ZNF713: variants seen among roughly 807,000 people sequenced by gnomAD.
ZNF713 encodes zinc finger protein 713.
ZNF713 carries 21 observed loss-of-function variants against 28.7 expected under a neutral mutation model. That is an observed-to-expected ratio of 0.73 (90% CI 0.52 to 1.05). ZNF713 has a LOEUF of 1.05. Ranked by LOEUF, ZNF713 falls within the 50% of genes least tolerant of loss-of-function variation. ZNF713 has a pLI of 0.00. For missense variants in ZNF713, 458 were observed against 532.4 expected, an observed-to-expected ratio of 0.86 and a Z score of 1.37; for synonymous variants, 167 against 178.0, an observed-to-expected ratio of 0.94 and a Z score of 0.49.
intron 6 of ZNF713, among the ~76,000 whole-genome samples, chr7:55,938,478 C>G (rs1405295195): frequency 6.6e-6 from 1 of 152,078 alleles, no homozygotes; most frequent in African/African-American, 2.4e-5. Flanking sequence ...CACATTCTCA[C>G]ATTATTTGAA....
rs531852841 is a variant in ZNF713 at position 55,910,019 on chromosome 7, G to GTA, written c.-455-1585_-455-1584dup. ...TATACGTTTATGTGTGTGTGTGTGTGTATATATATATATGTATTTTTTTAA... is the reference window on the plus strand; with the variant it reads ...TATACGTTTATGTGTGTGTGTGTGTGTATATATATATATATGTATTTTTTTAA... On this transcript the variant is annotated intron_variant, in intron 2 of 6. Transcript: ENST00000429591. 2.9e-3 allele frequency among the ~76,000 whole-genome samples: 438 copies of GTA among 150,528 alleles called. 10 individuals are homozygous for GTA. In the East Asian group the frequency reaches 0.058, roughly 20 times the overall value.
Position 55,939,732 on chromosome 7 carries a change from G to C in ZNF713, c.1058G>C (p.Arg353Pro). Residue 353 changes from arginine to proline, a missense_variant, in exon 7 of 7, where the codon CGC becomes CCC. Physicochemically the swap from Arg to Pro is moderately radical, Grantham distance 103. Coordinates refer to ENST00000429591, the MANE Select transcript of ZNF713 (RefSeq NM_182633.3). ...AATCAATGTGGTAAAGCTTTTAGCC[G>C]CATCACATCCCTTACTGAACATCAT... ...KCNQCGKAFS[R>P]ITSLTEHHRL... The C allele has an allele frequency of 6.2e-7, 1 of 1,614,070 alleles. No homozygotes were observed. The highest frequency in any genetic ancestry group is 8.5e-7 in the Non-Finnish European group (1 of 1,180,006).
intron 2 of ZNF713, among the ~76,000 whole-genome samples, chr7:55,907,856 T>A (rs1386542946): frequency 3.9e-5 from 6 of 152,184 alleles, no homozygotes; most frequent in Non-Finnish European, 1.5e-5. Context: ...TATCGAATCA[T>A]CGGTTGATGG....
At chr7:55,901,646 G>A (rs1394616200) in intron 1 of ZNF713, among the ~76,000 whole-genome samples, 2 of 152,198 alleles carry the variant, frequency 1.3e-5, no homozygotes, top group African/African-American at 4.8e-5. Context: ...ACATACAGGT[G>A]CTGGAGGTTG....
intron 6 of ZNF713, chr7:55,924,531 C>G (rs1584313897): frequency 6.6e-6 from 1 of 152,230 alleles, no homozygotes; most frequent in Non-Finnish European, 1.5e-5. Context: ...TATCATTTTC[C>G]CATTTCTCCA....
intron 1 of ZNF713, among the ~76,000 whole-genome samples, chr7:55,898,848 GA>G (rs1311029707): frequency 2.6e-5 from 4 of 151,962 alleles, no homozygotes; most frequent in Admixed American, 2.6e-4. Flanking sequence ...GGCCATCAGA[GA>G]TAATGAAAAA....
intron 3 of ZNF713, among the ~76,000 whole-genome samples, 163 bp downstream of exon 3, chr7:55,912,231 C>T (rs1157927118): frequency 2.0e-5 from 3 of 151,844 alleles, no homozygotes; most frequent in Non-Finnish European, 4.4e-5. Flanking sequence ...TGCTCTCCAT[C>T]GCCTCATCCC....
chr7:55,918,255 A>C, intron 4 of ZNF713: 1 of 278,166 alleles, frequency 3.6e-6, no homozygotes. Context: ...CCACAGCCCT[A>C]GCCGAGCTCC....
intron 1 of ZNF713, 138 bp downstream of exon 1, chr7:55,887,818 G>GGGA (rs1233268242): frequency 1.6e-4 from 1 of 6,164 alleles, no homozygotes; most frequent in African/African-American, 5.3e-4. Context: ...GGCGGGCGGC[G>GGGA]GGCGGCGGGC....
At position 55,939,707 on chromosome 7, in the gene ZNF713, A is replaced by C. The variant is rs370707503; in HGVS notation, c.1033A>C (p.Asn345His). 6.2e-7 allele frequency: 1 copy of C among 1,614,006 alleles called. No individual in the cohort carries two copies. The highest frequency in any genetic ancestry group is 1.3e-5 in the African/African-American group (1 of 74,912). Residue 345 changes from asparagine to histidine, a missense_variant, in exon 7 of 7, where the codon AAT (asparagine) becomes CAT (histidine). Coordinates refer to ENST00000429591, the MANE Select transcript of ZNF713 (RefSeq NM_182633.3). The stretch of plus-strand genomic sequence containing the variant: ...TACTGGAGAAAAGCCCTATAAATGT[A>C]ATCAATGTGGTAAAGCTTTTAGCCG... Reference protein sequence around the residue: ...IHTGEKPYKCNQCGKAFSRIT... With the variant: ...IHTGEKPYKCHQCGKAFSRIT...
intron 1 of ZNF713, among the ~76,000 whole-genome samples, chr7:55,894,628 C>T (rs781313234): frequency 6.6e-6 from 1 of 152,092 alleles, no homozygotes; most frequent in Non-Finnish European, 1.5e-5. Flanking sequence ...TTCTTTGACC[C>T]TGCAATTACA....
At position 55,940,783 on chromosome 7, in the gene ZNF713, T is replaced by A. The variant is rs1786452151; in HGVS notation, c.*777T>A. 2 of 151,268 alleles carry A rather than the reference T, an allele frequency of 1.3e-5. No individual in the cohort carries two copies. Among genetic ancestry groups the A allele is most frequent in the African/African-American group, 2.5e-5 (1 of 40,736 alleles). 9.4% of individuals were successfully genotyped at this position (151,268 alleles called of 1,614,324 possible). A position where few individuals can be genotyped will look rare whatever the true frequency, so the allele number is the denominator to read the frequency against. On this transcript the variant is annotated 3_prime_UTR_variant, in exon 7 of 7. Coordinates refer to ENST00000429591, the MANE Select transcript of ZNF713 (RefSeq NM_182633.3). The stretch of plus-strand genomic sequence containing the variant: ...AAAGCCTATAGGCAACAACTTGTAA[T>A]TACTCACCTGTAAGTTTTATGGTAT...
chr7:55,916,219 TC>T (rs1438688138), intron 4 of ZNF713, among the ~76,000 whole-genome samples: 1 of 152,174 alleles, frequency 6.6e-6, no homozygotes, highest in Non-Finnish European at 1.5e-5. Context: ...GCCTAAACAG[TC>T]CTATAGAATC....
chr7:55,919,100 TG>T (rs1785937128), intron 4 of ZNF713, among the ~76,000 whole-genome samples: 1 of 152,194 alleles, frequency 6.6e-6, no homozygotes, highest in South Asian at 2.1e-4. Context: ...TGGCAGTTTC[TG>T]GCTGCCTAAA....
intron 1 of ZNF713, among the ~76,000 whole-genome samples, chr7:55,897,050 TAATA>T (rs1195147267): frequency 3.9e-5 from 6 of 152,098 alleles, no homozygotes; most frequent in African/African-American, 1.2e-4. Flanking sequence ...GCAAATAATC[TAATA>T]AATAAATGAA....
intron 6 of ZNF713, among the ~76,000 whole-genome samples, chr7:55,932,183 C>T (rs768880700): frequency 6.6e-6 from 1 of 152,070 alleles, no homozygotes; most frequent in Non-Finnish European, 1.5e-5. Flanking sequence ...ATATTTTGTA[C>T]ATCTATTGAT....
At chr7:55,922,714 G>A (rs1390084376) in intron 4 of ZNF713, among the ~76,000 whole-genome samples, 2 of 152,028 alleles carry the variant, frequency 1.3e-5, no homozygotes, top group Admixed American at 1.3e-4. Context: ...TTAAATTAAG[G>A]TATGCACATT....
chr7:55,932,855 C>T (rs532723640), intron 6 of ZNF713, among the ~76,000 whole-genome samples: 2 of 118,920 alleles, frequency 1.7e-5, no homozygotes, highest in East Asian at 3.0e-4. Flanking sequence ...CTGCAGTCCG[C>T]AGTCCGGCCT....
chr7:55,899,222 G>A (rs1056657873), intron 1 of ZNF713, among the ~76,000 whole-genome samples: 8 of 151,548 alleles, frequency 5.3e-5, no homozygotes, highest in African/African-American at 1.2e-4. Context: ...GCATGGTGGC[G>A]GGCACCTGTA....
Sources: gnomAD v4.1 joint callset for allele counts (sites outside exome capture counted in the v4.1 genomes callset) on GRCh38, gnomAD v4.1.1 for gene constraint, MANE v1.5 for transcripts, NCBI Gene and HGNC (gene_info 2026-07-23, HGNC 2026-07-21) for gene names.